ATRNL1: variants seen among roughly 807,000 people sequenced by gnomAD.
The protein encoded by ATRNL1 is attractin-like protein 1.
ATRNL1 carries 95 observed loss-of-function variants against 182.7 expected under a neutral mutation model. The observed-to-expected ratio is 0.52, with a 90% CI of 0.44 to 0.62. The LOEUF is 0.62. Among genes scored for constraint, ATRNL1 ranks in the 20% least tolerant of loss-of-function variants. ATRNL1 has a pLI of 0.00. For synonymous variants in ATRNL1, 576 were observed against 568.3 expected (o/e 1.01, Z -0.19); for missense variants, 1,471 against 1,679.5 (o/e 0.88, Z 2.17).
intron 26 of ATRNL1, among the ~76,000 whole-genome samples, chr10:115,634,671 G>T (rs1352568279): frequency 6.6e-6 from 1 of 152,024 alleles, no homozygotes; most frequent in Non-Finnish European, 1.5e-5. Context: ...TTAGAAAAAT[G>T]CTTAATCTAA....
chr10:115,765,955 T>C (rs1948847355), intron 27 of ATRNL1, among the ~76,000 whole-genome samples: 1 of 106,276 alleles, frequency 9.4e-6, no homozygotes, highest in African/African-American at 3.5e-5. Context: ...CTTGTCCAGC[T>C]CTCCTTATTA....
At position 115,683,557 on chromosome 10, in the gene ATRNL1, T is replaced by TTTTTTTC. The variant is rs1946122812; in HGVS notation, c.3796-43685_3796-43684insCTTTTTT. ...GAAGAAGAGAACTAGCGTTTTTTTT[T>TTTTTTTC]TTTTTTTGCATGCCTAATATATTTA... On this transcript the variant is annotated intron_variant, in intron 26 of 28. Coordinates refer to ENST00000355044, the MANE Select transcript of ATRNL1 (RefSeq NM_207303.4). 1.3e-5 allele frequency among the ~76,000 whole-genome samples: 2 copies of TTTTTTTC among 149,520 alleles called. 1 individual carries two copies. Among genetic ancestry groups the TTTTTTTC allele is most frequent in the South Asian group, 4.3e-4 (2 of 4,690 alleles).
chr10:115,126,376 C>T lies in ATRNL1; in HGVS notation c.492-1217C>T, dbSNP rs376257696. Among the ~76,000 whole-genome samples, 118 of 152,182 alleles carry T rather than the reference C, an allele frequency of 7.8e-4. 2 individuals are homozygous for T. The South Asian group carries it at 0.024, about 31-fold the overall frequency. ...CCTGGCCCAGACCTATTCTTTTTAT[C>T]TTTTTCAGAGAGCGCTCAGAGACTA... On this transcript the variant is annotated intron_variant, in intron 3 of 28. Transcript: ENST00000355044.
intron 26 of ATRNL1, among the ~76,000 whole-genome samples, chr10:115,625,250 A>G (rs1555024295): frequency 6.6e-6 from 1 of 152,194 alleles, no homozygotes; most frequent in East Asian, 1.9e-4. Context: ...GCAAACACTG[A>G]TGATTAGCAT....
intron 13 of ATRNL1, among the ~76,000 whole-genome samples, chr10:115,269,074 C>T: frequency 6.6e-6 from 1 of 152,182 alleles, no homozygotes; most frequent in African/African-American, 2.4e-5. Context: ...CCTTTTTCAT[C>T]TAAAGTAGAG....
chr10:115,702,515 A>G (rs1555051838), intron 26 of ATRNL1, among the ~76,000 whole-genome samples: 2 of 151,664 alleles, frequency 1.3e-5, no homozygotes, highest in Admixed American at 1.3e-4. Flanking sequence ...CTTAGGAAAC[A>G]CTAATGACTC....
At chr10:115,940,417 G>T (rs782581571) in intron 28 of ATRNL1, among the ~76,000 whole-genome samples, 2 of 152,134 alleles carry the variant, frequency 1.3e-5, no homozygotes, top group Non-Finnish European at 2.9e-5. Context: ...TGGCTTCCTG[G>T]GCTGGTTATT....
At chr10:115,811,965 T>C (rs1211728563) in intron 27 of ATRNL1, among the ~76,000 whole-genome samples, 1 of 152,128 alleles carries the variant, frequency 6.6e-6, no homozygotes, top group Non-Finnish European at 1.5e-5. Flanking sequence ...TTAACAACTT[T>C]GTGTATATAC....
At chr10:115,663,511 C>T (rs942647347) in intron 26 of ATRNL1, among the ~76,000 whole-genome samples, 1 of 151,880 alleles carries the variant, frequency 6.6e-6, no homozygotes. Context: ...ATGCTATCTA[C>T]CTTTCATTCT....
intron 26 of ATRNL1, among the ~76,000 whole-genome samples, chr10:115,655,574 A>T (rs893788653): frequency 3.3e-5 from 5 of 152,118 alleles, no homozygotes; most frequent in African/African-American, 1.2e-4. Context: ...ATGCATGTTG[A>T]TTTTTTAGGC....
At position 115,315,616 on chromosome 10, in the gene ATRNL1, A is replaced by G. The variant is rs1433465326; in HGVS notation, c.2917A>G (p.Ile973Val). 3 of 1,613,876 alleles carry G rather than the reference A, an allele frequency of 1.9e-6. No homozygotes were observed. Among genetic ancestry groups the G allele is most frequent in the Non-Finnish European group, 2.5e-6 (3 of 1,179,974 alleles). Residue 973 changes from isoleucine to valine, a missense_variant, in exon 18 of 29, where the codon ATT becomes GTT. By Grantham distance (29) the Ile-to-Val change is conservative. Coordinates refer to ENST00000355044, the MANE Select transcript of ATRNL1 (RefSeq NM_207303.4). ...DPSNTGRGHC[I>V]EGSSRGPMKL... The stretch of plus-strand genomic sequence containing the variant: ...TAGTAATACAGGAAGAGGACATTGC[A>G]TTGAAGGTTCTTCACGGGGACCAAT...
chr10:115,202,766 TC>T (rs1221108245), intron 8 of ATRNL1, among the ~76,000 whole-genome samples: 1 of 146,786 alleles, frequency 6.8e-6, no homozygotes, highest in Non-Finnish European at 1.5e-5. Flanking sequence ...TAGGGAGGAT[TC>T]CCTCTTTTTC....
chr10:115,350,334 C>CAAAAAAAAAAAAAAAAAAAAAAA (rs1424122017), intron 19 of ATRNL1, among the ~76,000 whole-genome samples: 1 of 29,734 alleles, frequency 3.4e-5, no homozygotes, highest in Non-Finnish European at 5.2e-5. Context: ...GACTCTGTCT[C>CAAAAAAAAAAAAAAAAAAAAAAA]AAAAAAAAAA....
At chr10:115,379,483 C>T (rs1857865899) in intron 19 of ATRNL1, among the ~76,000 whole-genome samples, 1 of 152,140 alleles carries the variant, frequency 6.6e-6, no homozygotes, top group Non-Finnish European at 1.5e-5. Flanking sequence ...GCAAGCATAA[C>T]TAGTATCCAG....
intron 13 of ATRNL1, among the ~76,000 whole-genome samples, chr10:115,272,794 G>C (rs114794268): frequency 6.6e-6 from 1 of 152,262 alleles, no homozygotes. Context: ...TATGAAACGA[G>C]TTGCTTGACA....
Position 115,642,185 on chromosome 10 carries a change from G to A in ATRNL1, c.3796-85063G>A, listed in dbSNP as rs1257002104. On this transcript the variant is annotated intron_variant, in intron 26 of 28. Transcript: ENST00000355044. ...ACAAGGCCAAAATATAAAATCAAGG[G>A]TATTTCCATATATTCACAATGAACA... Among the ~76,000 whole-genome samples, 3 of 152,024 alleles carry A rather than the reference G, an allele frequency of 2.0e-5. No individual in the cohort carries two copies. In the South Asian group the frequency reaches 6.2e-4, roughly 32 times the overall value.
intron 26 of ATRNL1, among the ~76,000 whole-genome samples, chr10:115,557,272 A>G (rs1853367607): frequency 6.6e-6 from 1 of 152,166 alleles, no homozygotes; most frequent in Non-Finnish European, 1.5e-5. Flanking sequence ...GCATGAGGAA[A>G]CAGAGCTGAG....
chr10:115,480,533 A>G (rs1848719440), intron 24 of ATRNL1, among the ~76,000 whole-genome samples: 1 of 151,184 alleles, frequency 6.6e-6, no homozygotes, highest in Non-Finnish European at 1.5e-5. Flanking sequence ...AGTATTAGAA[A>G]TTGTTAATTT....
At chr10:115,830,796 A>G (rs535950587) in intron 27 of ATRNL1, among the ~76,000 whole-genome samples, 2 of 150,106 alleles carry the variant, frequency 1.3e-5, no homozygotes, top group Admixed American at 1.3e-4. Flanking sequence ...CCCATGGAAA[A>G]CTATGTGCCT....
Sources: allele counts gnomAD v4.1 joint callset (sites outside exome capture counted in the v4.1 genomes callset), GRCh38; gene constraint gnomAD v4.1.1; transcripts MANE v1.5; gene names NCBI Gene and HGNC (gene_info 2026-07-23, HGNC 2026-07-21).